Variants in TMEM170B observed in about 807,000 individuals in gnomAD.
The protein encoded by TMEM170B is transmembrane protein 170B.
Under a neutral mutation model 13.0 loss-of-function variants are expected in TMEM170B, and 6 were observed. The observed-to-expected ratio is 0.46, with a 90% CI of 0.25 to 0.91. TMEM170B has a LOEUF of 0.91. Among genes scored for constraint, TMEM170B ranks in the 40% least tolerant of loss-of-function variants. The pLI is 0.17. For missense variants in TMEM170B, 138 were observed against 165.2 expected (o/e 0.84, Z 0.90); for synonymous variants, 61 against 64.9 (o/e 0.94, Z 0.29).
At position 11,576,919 on chromosome 6, in the gene TMEM170B, C is replaced by T. The variant is rs374136788; in HGVS notation, c.*1358C>T. 8 of 152,112 alleles carry T rather than the reference C, an allele frequency of 5.3e-5. No individual in the cohort carries two copies. The East Asian group carries it at 9.7e-4, about 18-fold the overall frequency. 9.4% of individuals were successfully genotyped at this position (152,112 alleles called of 1,614,324 possible). On this transcript the variant is annotated 3_prime_UTR_variant, in exon 3 of 3. Transcript: ENST00000379426. ...AACATTTTAAGAGGTTCTGGCAATA[C>T]GTAATTGTAAGAGTATAGGAAGTAG...
chr6:11,575,749 C>T lies in TMEM170B; in HGVS notation c.*188C>T. ...TTCAAGTGATTGCACTACCGCACTG[C>T]ACCTTATGTGCCTCTGTCTCAGGCA... On this transcript the variant is annotated 3_prime_UTR_variant, in exon 3 of 3. Transcript: ENST00000379426. This position sits in a 1 kb window ranked among gnomAD's most constrained non-coding sequence, Gnocchi z 4.1. 8 of 580,942 alleles carry T rather than the reference C, an allele frequency of 1.4e-5. No individual in the cohort carries two copies. Among genetic ancestry groups the T allele is most frequent in the Non-Finnish European group, 2.3e-5 (8 of 342,102 alleles). The allele number at this position is 580,942 out of a possible 1,614,324, so 36.0% of individuals were successfully genotyped here.
chr6:11,567,421 T>C (rs73357860), intron 2 of TMEM170B, among the ~76,000 whole-genome samples: 1,649 of 152,318 alleles, frequency 0.011, 38 homozygotes, highest in African/African-American at 0.036. Flanking sequence ...GATTCTTGCC[T>C]CAGAGATAAG....
chr6:11,546,792 T>A (rs1055434158), intron 1 of TMEM170B, among the ~76,000 whole-genome samples: 1 of 152,200 alleles, frequency 6.6e-6, no homozygotes, highest in African/African-American at 2.4e-5. Context: ...TTTGTGTAGG[T>A]ACACTGTATA....
At chr6:11,548,491 G>T (rs576014187) in intron 1 of TMEM170B, among the ~76,000 whole-genome samples, 3 of 151,800 alleles carry the variant, frequency 2.0e-5, no homozygotes, top group African/African-American at 7.3e-5. Context: ...CTGTAAACTA[G>T]TTCAACCATT....
chr6:11,542,298 A>T (rs931454532), intron 1 of TMEM170B, among the ~76,000 whole-genome samples: 4 of 152,242 alleles, frequency 2.6e-5, no homozygotes, highest in Non-Finnish European at 5.9e-5. Context: ...GCCAGCTTCA[A>T]CAATATTTTT....
intron 1 of TMEM170B, among the ~76,000 whole-genome samples, chr6:11,539,209 G>A (rs1759327042): frequency 6.6e-6 from 1 of 152,056 alleles, no homozygotes; most frequent in Admixed American, 6.5e-5. Flanking sequence ...TTTGAGTTCC[G>A]AATTTAAAAA....
chr6:11,563,160 AC>A (rs1228024247), intron 1 of TMEM170B, among the ~76,000 whole-genome samples: 1 of 152,104 alleles, frequency 6.6e-6, no homozygotes, highest in African/African-American at 2.4e-5. Flanking sequence ...ACACAGAGAA[AC>A]CCCATCTCTA....
intron 1 of TMEM170B, among the ~76,000 whole-genome samples, chr6:11,547,900 T>C (rs969834461): frequency 6.6e-6 from 1 of 152,212 alleles, no homozygotes; most frequent in Non-Finnish European, 1.5e-5. Context: ...GTATTTATCT[T>C]TGTTTAGTGT....
At chr6:11,546,957 A>G (rs1356876329) in intron 1 of TMEM170B, among the ~76,000 whole-genome samples, 2 of 152,236 alleles carry the variant, frequency 1.3e-5, no homozygotes, top group African/African-American at 4.8e-5. Context: ...ATTAACAACA[A>G]CAAATACTGT....
At chr6:11,538,535 G>A (rs1332134727) in intron 1 of TMEM170B, among the ~76,000 whole-genome samples, 161 bp downstream of exon 1, 1 of 152,122 alleles carries the variant, frequency 6.6e-6, no homozygotes, top group Admixed American at 6.5e-5. Context: ...GCCACTCTGC[G>A]CGTGTCCCGG....
intron 1 of TMEM170B, among the ~76,000 whole-genome samples, chr6:11,559,560 A>G (rs1365192285): frequency 2.6e-5 from 4 of 152,140 alleles, no homozygotes; most frequent in African/African-American, 9.7e-5. Flanking sequence ...GGTAAACTAG[A>G]TGTGACTCAT....
At chr6:11,543,791 G>A (rs1759393659) in intron 1 of TMEM170B, among the ~76,000 whole-genome samples, 1 of 152,136 alleles carries the variant, frequency 6.6e-6, no homozygotes, top group Non-Finnish European at 1.5e-5. Flanking sequence ...GAAATATGCT[G>A]TCACTAGTGT....
At chr6:11,573,952 G>T (rs750469105) in intron 2 of TMEM170B, among the ~76,000 whole-genome samples, 1 of 152,156 alleles carries the variant, frequency 6.6e-6, no homozygotes, top group Non-Finnish European at 1.5e-5. Flanking sequence ...TTAAGTAAAT[G>T]TTGGTGCTAC....
rs1295394663 is a variant in TMEM170B at position 11,565,219 on chromosome 6, A to G, written c.98-447A>G. 2.6e-5 allele frequency among the ~76,000 whole-genome samples: 4 copies of G among 152,278 alleles called. No individual in the cohort carries two copies. In the East Asian group the frequency reaches 5.8e-4, roughly 22 times the overall value. On this transcript the variant is annotated intron_variant, in intron 1 of 2. Transcript: ENST00000379426. ...GAAAATGACTGAAATTCTTAAAGAT[A>G]AAAGGTAAAAATCATTGACTGATTT...
rs146894610 is a variant in TMEM170B at position 11,567,984 on chromosome 6, C to T, written c.268+2148C>T. ...TTAATGTAAAGAAGCAAGAGAAAAC[C>T]CTGAAAGAGCAGAGACCTGGTCTGT... On this transcript the variant is annotated intron_variant, in intron 2 of 2. Transcript: ENST00000379426. 1.1e-3 allele frequency among the ~76,000 whole-genome samples: 172 copies of T among 152,136 alleles called. 3 individuals carry two copies. The East Asian group carries it at 0.025, about 23-fold the overall frequency.
chr6:11,543,130 A>G (rs1561906179), intron 1 of TMEM170B, among the ~76,000 whole-genome samples: 1 of 152,098 alleles, frequency 6.6e-6, no homozygotes, highest in Non-Finnish European at 1.5e-5. Context: ...ATGTTTTTCA[A>G]TTACGTTATA....
chr6:11,538,484 G>A (rs1212411954), intron 1 of TMEM170B, 110 bp downstream of exon 1: 8 of 806,726 alleles, frequency 9.9e-6, no homozygotes, highest in South Asian at 9.0e-5. Context: ...TGCGCGCCCC[G>A]CTCGGAGCTC....
intron 1 of TMEM170B, among the ~76,000 whole-genome samples, chr6:11,552,672 G>A (rs1342655863): frequency 6.6e-6 from 1 of 152,156 alleles, no homozygotes; most frequent in African/African-American, 2.4e-5. Flanking sequence ...TTTATGAGAG[G>A]AGCTGAGTGC....
At chr6:11,562,759 ATTTC>A (rs923116430) in intron 1 of TMEM170B, among the ~76,000 whole-genome samples, 4 of 152,068 alleles carry the variant, frequency 2.6e-5, no homozygotes, top group Admixed American at 2.6e-4. Context: ...TTTTGCTAGT[ATTTC>A]TTCTACACTT....
Sources: allele counts gnomAD v4.1 joint callset (sites outside exome capture counted in the v4.1 genomes callset), GRCh38; gene constraint gnomAD v4.1.1; non-coding constraint Gnocchi (gnomAD v3.1); transcripts MANE v1.5; gene names NCBI Gene and HGNC (gene_info 2026-07-23, HGNC 2026-07-21).